LMX1A: variants seen among roughly 807,000 people sequenced by gnomAD.
LMX1A encodes the protein LIM homeobox transcription factor 1-alpha.
In LMX1A, 15 loss-of-function variants were observed where a neutral mutation model predicts 49.1. That is an observed-to-expected ratio of 0.31 (90% CI 0.20 to 0.47). The LOEUF is 0.47. LMX1A is among the 20% of genes least tolerant of loss of function. The pLI is 1.00. For missense variants in LMX1A, 372 were observed against 475.8 expected (o/e 0.78, Z 2.03); for synonymous variants, 167 against 185.7 (o/e 0.90, Z 0.82).
intron 3 of LMX1A, among the ~76,000 whole-genome samples, chr1:165,313,471 C>CTTTTTTTTTTT (rs34912339): frequency 1.3e-3 from 153 of 114,734 alleles, no homozygotes; most frequent in South Asian, 2.1e-3. Flanking sequence ...CACCTTCTTC[C>CTTTTTTTTTTT]TTTTTTTTTT....
intron 3 of LMX1A, among the ~76,000 whole-genome samples, chr1:165,335,510 A>AC (rs1291661542): frequency 6.6e-6 from 1 of 152,036 alleles, no homozygotes; most frequent in Non-Finnish European, 1.5e-5. Context: ...TAAATACAGT[A>AC]TGATTTAAGA....
At chr1:165,299,564 T>C (rs184924245) in intron 3 of LMX1A, among the ~76,000 whole-genome samples, 1 of 152,220 alleles carries the variant, frequency 6.6e-6, no homozygotes, top group Admixed American at 6.5e-5. Flanking sequence ...AAATCTTTAA[T>C]GAATGGCTCA....
intron 5 of LMX1A, among the ~76,000 whole-genome samples, chr1:165,212,401 T>C (rs1309902266): frequency 6.6e-6 from 1 of 152,102 alleles, no homozygotes; most frequent in Non-Finnish European, 1.5e-5. Flanking sequence ...GCCTGGACCC[T>C]CGAATGATAG....
intron 3 of LMX1A, among the ~76,000 whole-genome samples, chr1:165,302,404 A>G (rs2101726070): frequency 6.6e-6 from 1 of 152,100 alleles, no homozygotes; most frequent in East Asian, 1.9e-4. Flanking sequence ...AGATCACACC[A>G]CTGTACTCCA....
At chr1:165,228,615 T>C (rs1331951179) in intron 4 of LMX1A, among the ~76,000 whole-genome samples, 2 of 152,230 alleles carry the variant, frequency 1.3e-5, no homozygotes, top group Non-Finnish European at 2.9e-5. Flanking sequence ...TATTGAAAAC[T>C]AAGTTAGCTC....
intron 3 of LMX1A, among the ~76,000 whole-genome samples, chr1:165,302,695 C>A (rs1287248045): frequency 6.6e-6 from 1 of 152,216 alleles, no homozygotes; most frequent in Non-Finnish European, 1.5e-5. Flanking sequence ...AGCACTACCA[C>A]TGAATTTTTG....
At chr1:165,350,794 C>T (rs912792952) in intron 3 of LMX1A, among the ~76,000 whole-genome samples, 1 of 152,196 alleles carries the variant, frequency 6.6e-6, no homozygotes, top group Admixed American at 6.5e-5. Flanking sequence ...GGACAAAAAC[C>T]TCAATTCTGG....
At chr1:165,231,070 ATAAT>A (rs1031972353) in intron 4 of LMX1A, among the ~76,000 whole-genome samples, 1 of 151,700 alleles carries the variant, frequency 6.6e-6, no homozygotes, top group African/African-American at 2.4e-5. Context: ...GCTTGTAGAA[ATAAT>A]TAGGTTTTTT....
At chr1:165,345,643 G>A (rs1656219301) in intron 3 of LMX1A, among the ~76,000 whole-genome samples, 1 of 152,196 alleles carries the variant, frequency 6.6e-6, no homozygotes, top group Non-Finnish European at 1.5e-5. Context: ...ATGGACGTGA[G>A]GTTATGCATA....
At chr1:165,249,692 G>C (rs761486821) in intron 3 of LMX1A, 52 bp from the exon 4 acceptor site, 58 of 1,420,096 alleles carry the variant, frequency 4.1e-5, no homozygotes, top group Non-Finnish European at 5.5e-5. Flanking sequence ...ATCTGGCTTG[G>C]TCCTGGGTCT....
chr1:165,279,501 A>G (rs557931303), intron 3 of LMX1A, among the ~76,000 whole-genome samples: 1 of 152,272 alleles, frequency 6.6e-6, no homozygotes, highest in African/African-American at 2.4e-5. Flanking sequence ...TCCATCTACA[A>G]TGCCATCTGC....
intron 8 of LMX1A, among the ~76,000 whole-genome samples, chr1:165,204,839 C>T (rs1324012968): frequency 1.3e-5 from 2 of 152,168 alleles, no homozygotes; most frequent in African/African-American, 4.8e-5. Context: ...AAGAATGGTA[C>T]AGATGTGACC....
At chr1:165,336,160 G>A (rs753819489) in intron 3 of LMX1A, among the ~76,000 whole-genome samples, 5 of 152,104 alleles carry the variant, frequency 3.3e-5, no homozygotes, top group East Asian at 1.9e-4. Flanking sequence ...AGATGTTAAC[G>A]GAGCTGGGAT....
At chr1:165,255,317 C>G (rs1653199242) in intron 3 of LMX1A, among the ~76,000 whole-genome samples, 1 of 152,218 alleles carries the variant, frequency 6.6e-6, no homozygotes, top group Non-Finnish European at 1.5e-5. Flanking sequence ...TTTCCACTCA[C>G]TCTGCCAAGC....
chr1:165,354,287 C>A (rs986247114), intron 2 of LMX1A, among the ~76,000 whole-genome samples: 141 of 152,092 alleles, frequency 9.3e-4, no homozygotes, highest in South Asian at 1.9e-3. Context: ...CTGGGCCGGT[C>A]GCTTTGGGAG....
chr1:165,269,899 A>G (rs1653745585), intron 3 of LMX1A, among the ~76,000 whole-genome samples: 2 of 152,038 alleles, frequency 1.3e-5, no homozygotes, highest in Admixed American at 1.3e-4. Context: ...GTGCGGGGAG[A>G]GTTGGTGAGG....
intron 4 of LMX1A, among the ~76,000 whole-genome samples, chr1:165,243,999 A>T (rs993170395): frequency 6.6e-6 from 1 of 152,168 alleles, no homozygotes; most frequent in East Asian, 1.9e-4. Context: ...CCAGCCCCTA[A>T]CCCCTAATCC....
chr1:165,239,092 T>G (rs1652555728), intron 4 of LMX1A, among the ~76,000 whole-genome samples: 1 of 130,582 alleles, frequency 7.7e-6, no homozygotes, highest in Non-Finnish European at 1.7e-5. Flanking sequence ...GTGATCATTT[T>G]CCCATTTGGC....
At chr1:165,312,739 C>A (rs1655111122) in intron 3 of LMX1A, among the ~76,000 whole-genome samples, 1 of 152,240 alleles carries the variant, frequency 6.6e-6, no homozygotes, top group South Asian at 2.1e-4. Context: ...AACAGATCCT[C>A]CATCCCCAGC....
Sources: gnomAD v4.1 joint callset for allele counts (sites outside exome capture counted in the v4.1 genomes callset) on GRCh38, gnomAD v4.1.1 for gene constraint, MANE v1.5 for transcripts, NCBI Gene and HGNC (gene_info 2026-07-23, HGNC 2026-07-21) for gene names.